Variants in ART1 observed in about 807,000 individuals in gnomAD.
ART1 encodes GPI-linked NAD(P)(+)--arginine ADP-ribosyltransferase 1.
Under a neutral mutation model 27.0 loss-of-function variants are expected in ART1, and 29 were observed. The ratio of observed to expected loss-of-function variants is 1.08; its 90% CI spans 0.80 to 1.47. The LOEUF (loss-of-function observed/expected upper bound fraction) is 1.47. Among genes scored for constraint, ART1 ranks in the 40% most tolerant of loss-of-function variants. The pLI is 0.00. For missense variants in ART1, 480 were observed against 423.0 expected (o/e 1.13, Z -1.18); for synonymous variants, 201 against 172.2 (o/e 1.17, Z -1.31).
chr11:3,650,630 T>G (rs951643768), intron 1 of ART1, among the ~76,000 whole-genome samples: 3 of 152,178 alleles, frequency 2.0e-5, no homozygotes, highest in African/African-American at 7.2e-5. Flanking sequence ...CCAACTCTAG[T>G]GCCAACTTAG....
Position 3,650,397 on chromosome 11 carries a change from T to C in ART1, c.-53+5218T>C, listed in dbSNP as rs188851627. 3.0e-3 allele frequency among the ~76,000 whole-genome samples: 457 copies of C among 152,350 alleles called. 1 individual carries two copies. The highest frequency in any genetic ancestry group is 0.011 in the African/African-American group (437 of 41,574). ...GACTCCTTCCCAGATCTTCTCGGCTTAGCAGCTGAAGACTGACATTCCCCG... is the reference window on the plus strand; with the variant it reads ...GACTCCTTCCCAGATCTTCTCGGCTCAGCAGCTGAAGACTGACATTCCCCG... On this transcript the variant is annotated intron_variant, in intron 1 of 4. Coordinates refer to ENST00000250693, the MANE Select transcript of ART1 (RefSeq NM_004314.3).
At chr11:3,653,000 T>C (rs1376843178) in intron 1 of ART1, among the ~76,000 whole-genome samples, 1 of 147,880 alleles carries the variant, frequency 6.8e-6, no homozygotes, top group Non-Finnish European at 1.5e-5. Context: ...TCACCAATAA[T>C]TCTACACGAC....
chr11:3,662,780 G>T (rs530531848), intron 4 of ART1, among the ~76,000 whole-genome samples: 2 of 152,328 alleles, frequency 1.3e-5, no homozygotes, highest in East Asian at 1.9e-4. Flanking sequence ...GGAGGCGGAG[G>T]TTGCTGTGAG....
chr11:3,645,947 A>G (rs886463246), intron 1 of ART1, among the ~76,000 whole-genome samples: 2 of 152,154 alleles, frequency 1.3e-5, no homozygotes, highest in Admixed American at 6.5e-5. Flanking sequence ...GTTGTTCTGC[A>G]CTACAGAAGC....
chr11:3,654,996 C>T (rs78068662), intron 1 of ART1, among the ~76,000 whole-genome samples: 11,905 of 152,240 alleles, frequency 0.078, 1,005 homozygotes, highest in African/African-American at 0.21. Context: ...ACTATTTTGC[C>T]GTGTGCCACA....
chr11:3,659,421 C>T, intron 2 of ART1, 145 bp downstream of exon 2: 2 of 1,387,292 alleles, frequency 1.4e-6, no homozygotes, highest in Non-Finnish European at 9.9e-7. Context: ...GCTCCAGATG[C>T]TAGTCTTGGG....
At chr11:3,651,716 CA>C (rs757177793) in intron 1 of ART1, among the ~76,000 whole-genome samples, 1 of 145,716 alleles carries the variant, frequency 6.9e-6, no homozygotes, top group Non-Finnish European at 1.5e-5. Context: ...TCTGATCCCC[CA>C]GCTCCTTCAG....
chr11:3,647,202 A>G (rs1408398514), intron 1 of ART1, among the ~76,000 whole-genome samples: 2 of 152,100 alleles, frequency 1.3e-5, no homozygotes, highest in Non-Finnish European at 2.9e-5. Context: ...ACATGCCTGT[A>G]ATCGCAACTA....
intron 1 of ART1, among the ~76,000 whole-genome samples, chr11:3,649,626 A>C (rs879241819): frequency 1.3e-5 from 2 of 152,078 alleles, no homozygotes; most frequent in African/African-American, 4.8e-5. Flanking sequence ...CCTCAGCCTC[A>C]GCTCCTCCAC....
rs756652182 is a variant in ART1 at position 3,659,692 on chromosome 11, C to T, written c.173C>T (p.Thr58Ile). ...TACGCTGGCTGTGCTGCTGCCATGA[C>T]AGCTGCTCTCCCGGATCTCAACCAC... ...DQYAGCAAAM[T>I]AALPDLNHTE... The change falls in exon 3 of 5, where the codon ACA (threonine) becomes ATA (isoleucine). Residue 58 changes from threonine (T) to isoleucine (I), a missense_variant. Coordinates refer to ENST00000250693, the MANE Select transcript of ART1 (RefSeq NM_004314.3). The T allele has an allele frequency of 4.3e-6, 7 of 1,614,066 alleles. No homozygotes were observed. The highest frequency in any genetic ancestry group is 5.1e-6 in the Non-Finnish European group (6 of 1,180,014).
At chr11:3,653,636 A>C (rs1250304386) in intron 1 of ART1, among the ~76,000 whole-genome samples, 3 of 152,176 alleles carry the variant, frequency 2.0e-5, no homozygotes, top group Non-Finnish European at 4.4e-5. Context: ...GACGCGCATG[A>C]AAAGAGGAGC....
At chr11:3,650,802 C>G (rs1162675508) in intron 1 of ART1, among the ~76,000 whole-genome samples, 1 of 147,818 alleles carries the variant, frequency 6.8e-6, no homozygotes, top group African/African-American at 2.5e-5. Flanking sequence ...CCTTCACATC[C>G]TCCCCTTGTA....
In ART1 at chr11:3,649,294, C is replaced by T. The variant is rs532639090; in HGVS notation, c.-53+4115C>T. Among the ~76,000 whole-genome samples the T allele has an allele frequency of 2.6e-5, 4 of 152,306 alleles. No homozygotes were observed. In the East Asian group the frequency reaches 5.8e-4, roughly 22 times the overall value. ...TCTGCAAGGCTGCTTGACCCCAATA[C>T]AAACTCGACAGTGGTTCCAAATAGC... is the stretch of plus-strand genomic sequence containing the variant. On this transcript the variant is annotated intron_variant, in intron 1 of 4. Coordinates refer to ENST00000250693, the MANE Select transcript of ART1 (RefSeq NM_004314.3).
chr11:3,659,103 C>G, intron 1 of ART1, 59 bp from the exon 2 acceptor site: 1 of 1,034,690 alleles, frequency 9.7e-7, no homozygotes, highest in Non-Finnish European at 1.5e-6. Flanking sequence ...AGGAATGGCA[C>G]AGACTAAGTG....
In ART1 at chr11:3,648,161, C is replaced by T. The variant is rs375388647; in HGVS notation, c.-53+2982C>T. On this transcript the variant is annotated intron_variant, in intron 1 of 4. Coordinates refer to ENST00000250693, the MANE Select transcript of ART1 (RefSeq NM_004314.3). ...CCCCTTTGACTGTAATTTTCCTTTA[C>T]CTACCCAAATCCTATAAAACGGCCC... Among the ~76,000 whole-genome samples the T allele has an allele frequency of 3.4e-3, 520 of 151,142 alleles. 2 individuals carry two copies. Among genetic ancestry groups the T allele is most frequent in the African/African-American group, 0.011 (467 of 40,694 alleles).
intron 4 of ART1, among the ~76,000 whole-genome samples, chr11:3,662,195 T>C (rs2077626636): frequency 6.6e-6 from 1 of 152,238 alleles, no homozygotes; most frequent in Non-Finnish European, 1.5e-5. Flanking sequence ...CTGCTCTAAC[T>C]TTCTCTACGA....
chr11:3,663,901 T>C (rs1178097475), intron 4 of ART1, 191 bp from the exon 5 acceptor site: 5 of 578,216 alleles, frequency 8.6e-6, no homozygotes, highest in East Asian at 5.9e-5. Flanking sequence ...CCCATTACCA[T>C]TGGACCAGCT....
At chr11:3,658,193 T>G (rs1407704773) in intron 1 of ART1, among the ~76,000 whole-genome samples, 1 of 151,152 alleles carries the variant, frequency 6.6e-6, no homozygotes, top group Non-Finnish European at 1.5e-5. Flanking sequence ...ATTAGCTGGG[T>G]GTGGAGGCGG....
intron 4 of ART1, among the ~76,000 whole-genome samples, chr11:3,662,656 C>G (rs969082881): frequency 6.6e-6 from 1 of 152,172 alleles, no homozygotes; most frequent in South Asian, 2.1e-4. Flanking sequence ...ACCAGCCTGA[C>G]CAACATGGAG....
Sources: allele counts gnomAD v4.1 joint callset (sites outside exome capture counted in the v4.1 genomes callset), GRCh38; gene constraint gnomAD v4.1.1; transcripts MANE v1.5; gene names NCBI Gene and HGNC (gene_info 2026-07-23, HGNC 2026-07-21).